Variants in ZNF521 observed in about 807,000 individuals in gnomAD.
The protein encoded by ZNF521 is LYST-interacting protein 3.
ZNF521 carries 14 observed loss-of-function variants against 105.5 expected under a neutral mutation model. The observed-to-expected ratio is 0.13, with a 90% CI of 0.09 to 0.21. The LOEUF (loss-of-function observed/expected upper bound fraction) is 0.21, where lower values mean the gene tolerates loss of function less well. Among genes scored for constraint, ZNF521 ranks in the 10% least tolerant of loss-of-function variants. ZNF521 has a pLI of 1.00. For synonymous variants in ZNF521, 635 were observed against 606.0 expected, an observed-to-expected ratio of 1.05 and a Z score of -0.70; for missense variants, 1,233 against 1,629.7, an observed-to-expected ratio of 0.76 and a Z score of 4.19.
intron 3 of ZNF521, among the ~76,000 whole-genome samples, chr18:25,281,163 G>A (rs78330702): frequency 0.011 from 1,735 of 152,188 alleles, 38 homozygotes; most frequent in African/African-American, 0.039. Flanking sequence ...AGCTTTATCC[G>A]TCTTGCATGG....
intron 4 of ZNF521, among the ~76,000 whole-genome samples, chr18:25,211,027 T>C (rs955867656): frequency 6.6e-6 from 1 of 152,240 alleles, no homozygotes; most frequent in Non-Finnish European, 1.5e-5. Flanking sequence ...AAAAAGTTCA[T>C]GCTAAATGCT....
chr18:25,138,402 C>T lies in ZNF521; in HGVS notation c.3659-46321G>A, dbSNP rs1000573497. Among the ~76,000 whole-genome samples the T allele has an allele frequency of 5.3e-5, 8 of 151,164 alleles. No individual in the cohort carries two copies. The East Asian group carries it at 5.9e-4, about 11-fold the overall frequency. ...TAGGTACAATTTGTACCTATCTTTC[C>T]ATAGATGAGAGAGGTGGCACACGAG... On this transcript the variant is annotated intron_variant, in intron 5 of 7. Coordinates refer to ENST00000361524, the MANE Select transcript of ZNF521 (RefSeq NM_015461.3).
intron 5 of ZNF521, among the ~76,000 whole-genome samples, chr18:25,164,137 G>A (rs1395233011): frequency 6.6e-6 from 1 of 152,146 alleles, no homozygotes; most frequent in African/African-American, 2.4e-5. Context: ...GTTCTAGGGT[G>A]GTATCCCCCC....
At chr18:25,233,452 T>C (rs1906667988) in intron 3 of ZNF521, among the ~76,000 whole-genome samples, 1 of 152,210 alleles carries the variant, frequency 6.6e-6, no homozygotes, top group Non-Finnish European at 1.5e-5. Flanking sequence ...AAATGTGAAC[T>C]TTAAAATTAT....
intron 3 of ZNF521, among the ~76,000 whole-genome samples, chr18:25,284,631 A>G (rs958200214): frequency 6.6e-6 from 1 of 152,192 alleles, no homozygotes; most frequent in Non-Finnish European, 1.5e-5. Flanking sequence ...GTTCGAAAGG[A>G]AAGTAGCAAC....
intron 5 of ZNF521, among the ~76,000 whole-genome samples, chr18:25,161,318 C>G (rs2035247493): frequency 6.6e-6 from 1 of 152,044 alleles, no homozygotes; most frequent in Non-Finnish European, 1.5e-5. Flanking sequence ...TGTTCTAAGG[C>G]AATTAACGTT....
intron 2 of ZNF521, among the ~76,000 whole-genome samples, chr18:25,347,476 A>G (rs1309938323): frequency 6.6e-6 from 1 of 152,208 alleles, no homozygotes; most frequent in Non-Finnish European, 1.5e-5. Flanking sequence ...TACAAATAGA[A>G]AAGTGAATCT....
At chr18:25,240,920 T>G (rs1042411732) in intron 3 of ZNF521, among the ~76,000 whole-genome samples, 5 of 150,050 alleles carry the variant, frequency 3.3e-5, no homozygotes, top group Non-Finnish European at 7.4e-5. Context: ...CTGCACTACT[T>G]TGTGTCATAT....
chr18:25,115,082 G>T (rs2034276322), intron 5 of ZNF521, among the ~76,000 whole-genome samples: 1 of 152,168 alleles, frequency 6.6e-6, no homozygotes, highest in Admixed American at 6.5e-5. Flanking sequence ...GAAGGGAGTA[G>T]AAAAGACAGT....
chr18:25,325,255 T>A (rs535899595), intron 2 of ZNF521, among the ~76,000 whole-genome samples: 5 of 152,312 alleles, frequency 3.3e-5, no homozygotes, highest in Admixed American at 3.3e-4. Flanking sequence ...TAATGCCAGT[T>A]GATGTAGGAA....
chr18:25,069,685 A>G (rs1360467353), intron 7 of ZNF521, among the ~76,000 whole-genome samples: 1 of 152,206 alleles, frequency 6.6e-6, no homozygotes, highest in African/African-American at 2.4e-5. Flanking sequence ...ATATTTTTTA[A>G]AGGACAAATA....
intron 3 of ZNF521, among the ~76,000 whole-genome samples, chr18:25,280,224 C>T (rs1446041374): frequency 2.6e-5 from 4 of 152,132 alleles, no homozygotes; most frequent in Non-Finnish European, 5.9e-5. Flanking sequence ...GAAGAAAATG[C>T]CAGGGAAATG....
intron 3 of ZNF521, among the ~76,000 whole-genome samples, chr18:25,283,588 T>C (rs1312351084): frequency 6.6e-6 from 1 of 152,250 alleles, no homozygotes; most frequent in East Asian, 1.9e-4. Context: ...ATTGTCTTGA[T>C]GTTTCACCAG....
intron 5 of ZNF521, among the ~76,000 whole-genome samples, chr18:25,133,899 A>G (rs2034684834): frequency 6.6e-6 from 1 of 152,186 alleles, no homozygotes; most frequent in Admixed American, 6.5e-5. Context: ...ATATAGCTCA[A>G]AAATAGCTGT....
At chr18:25,211,302 C>T (rs1411319647) in intron 4 of ZNF521, among the ~76,000 whole-genome samples, 1 of 152,012 alleles carries the variant, frequency 6.6e-6, no homozygotes, top group Admixed American at 6.6e-5. Context: ...ACTTAGGGTT[C>T]TGAGTTTTGG....
At position 25,200,130 on chromosome 18, in the gene ZNF521, ATTCT is replaced by A. The variant is rs1568006241; in HGVS notation, c.3574-4890_3574-4887del. Among the ~76,000 whole-genome samples, 4 of 152,268 alleles carry A rather than the reference ATTCT, an allele frequency of 2.6e-5. No individual in the cohort carries two copies. The South Asian group carries it at 6.2e-4, about 24-fold the overall frequency. On this transcript the variant is annotated intron_variant, in intron 4 of 7. Transcript: ENST00000361524. ...CACACTGGATTTTAACACAGTTTAT[ATTCT>A]GGTCATTTGCAGGTAAATTTACAAT...
chr18:25,143,442 G>C (rs72891936), intron 5 of ZNF521, among the ~76,000 whole-genome samples: 39,708 of 151,996 alleles, frequency 0.26, 5,936 homozygotes, highest in East Asian at 0.33. Flanking sequence ...AGATTTTCTT[G>C]TGTATCTTGT....
intron 3 of ZNF521, among the ~76,000 whole-genome samples, chr18:25,259,153 CAA>C (rs1464034796): frequency 1.3e-5 from 2 of 152,042 alleles, no homozygotes; most frequent in Admixed American, 6.6e-5. Flanking sequence ...AAGTTTACAC[CAA>C]AAAGAGAAAG....
intron 5 of ZNF521, among the ~76,000 whole-genome samples, chr18:25,135,387 G>A (rs916590407): frequency 6.6e-6 from 1 of 151,492 alleles, no homozygotes; most frequent in Non-Finnish European, 1.5e-5. Flanking sequence ...TCCTTCTCTG[G>A]CCATAATGTT....
Sources: gnomAD v4.1 joint callset for allele counts (sites outside exome capture counted in the v4.1 genomes callset) on GRCh38, gnomAD v4.1.1 for gene constraint, MANE v1.5 for transcripts, NCBI Gene and HGNC (gene_info 2026-07-23, HGNC 2026-07-21) for gene names.